MSRA: variants seen among roughly 807,000 people sequenced by gnomAD.
MSRA encodes the protein methionine sulfoxide reductase A.
In MSRA, 54 loss-of-function variants were observed where a neutral mutation model predicts 31.3. That is an observed-to-expected ratio of 1.73 (90% CI 1.39 to 2.17). The LOEUF is 2.17. Among genes scored for constraint, MSRA ranks in the 30% most tolerant of loss-of-function variants. The pLI is 0.00. For missense variants in MSRA, 507 were observed against 300.9 expected (o/e 1.69, Z -5.07); for synonymous variants, 169 against 116.5 (o/e 1.45, Z -2.90).
Position 10,090,160 on chromosome 8 carries a change from G to A in MSRA, c.142+35502G>A, listed in dbSNP as rs1013483385. Reference sequence around the variant, plus strand: ...CAGAGACTTAATGCAGAGGGGGCTGGCTGTTAAAATTTTGAATTCCCTAGG... The same window carrying A: ...CAGAGACTTAATGCAGAGGGGGCTGACTGTTAAAATTTTGAATTCCCTAGG... On this transcript the variant is annotated intron_variant, in intron 1 of 5. Coordinates refer to ENST00000317173, the MANE Select transcript of MSRA (RefSeq NM_012331.5). Among the ~76,000 whole-genome samples, 7 of 152,166 alleles carry A rather than the reference G, an allele frequency of 4.6e-5. No homozygotes were observed. In the East Asian group the frequency reaches 1.3e-3, roughly 29 times the overall value.
At chr8:10,371,512 A>C (rs1288164961) in intron 5 of MSRA, among the ~76,000 whole-genome samples, 1 of 152,146 alleles carries the variant, frequency 6.6e-6, no homozygotes, top group Non-Finnish European at 1.5e-5. Flanking sequence ...TTGCCTGCAT[A>C]AAAGTAAACA....
intron 2 of MSRA, among the ~76,000 whole-genome samples, chr8:10,230,095 C>T (rs943629788): frequency 1.2e-4 from 18 of 152,324 alleles, no homozygotes; most frequent in African/African-American, 3.4e-4. Context: ...CTCATACGTG[C>T]AAGGTGCAAT....
intron 5 of MSRA, among the ~76,000 whole-genome samples, chr8:10,406,656 A>G (rs564261631): frequency 2.1e-4 from 32 of 152,204 alleles, no homozygotes; most frequent in Non-Finnish European, 3.8e-4. Flanking sequence ...AGTTAAACGG[A>G]CAACCTACTT....
chr8:10,168,781 A>G (rs980015610), intron 1 of MSRA, among the ~76,000 whole-genome samples: 1 of 152,174 alleles, frequency 6.6e-6, no homozygotes, highest in Non-Finnish European at 1.5e-5. Flanking sequence ...CCTTCCTTCC[A>G]CACTCCCAAA....
intron 5 of MSRA, among the ~76,000 whole-genome samples, chr8:10,368,506 A>G (rs1805293889): frequency 6.6e-6 from 1 of 152,230 alleles, no homozygotes; most frequent in South Asian, 2.1e-4. Context: ...CATAGGCAGC[A>G]GAGGGGCCGG....
intron 3 of MSRA, among the ~76,000 whole-genome samples, chr8:10,277,616 G>T (rs1314342845): frequency 1.3e-5 from 2 of 151,986 alleles, no homozygotes; most frequent in Non-Finnish European, 2.9e-5. Flanking sequence ...CTGATATTTG[G>T]GTCAAATCAG....
At chr8:10,180,894 C>G (rs1806476682) in intron 1 of MSRA, among the ~76,000 whole-genome samples, 1 of 152,180 alleles carries the variant, frequency 6.6e-6, no homozygotes, top group African/African-American at 2.4e-5. Flanking sequence ...CCAAATGTTG[C>G]CACATTTTTG....
intron 5 of MSRA, among the ~76,000 whole-genome samples, chr8:10,383,378 T>A (rs1437023786): frequency 6.6e-6 from 1 of 152,074 alleles, no homozygotes; most frequent in Non-Finnish European, 1.5e-5. Context: ...TCAAAGCGTG[T>A]GTGTTGTGTG....
chr8:10,411,512 C>A (rs1392373584), intron 5 of MSRA: 1 of 150,982 alleles, frequency 6.6e-6, no homozygotes, highest in Non-Finnish European at 1.5e-5. Flanking sequence ...AAAAAAAAAA[C>A]CCAATCATTG....
At chr8:10,344,564 G>T (rs1301414487) in intron 5 of MSRA, among the ~76,000 whole-genome samples, 1 of 100,788 alleles carries the variant, frequency 9.9e-6, no homozygotes, top group African/African-American at 4.1e-5. Flanking sequence ...GACAGAGGGA[G>T]ACTCCGTCTC....
chr8:10,234,319 G>T (rs747509018), intron 2 of MSRA, among the ~76,000 whole-genome samples: 3 of 152,162 alleles, frequency 2.0e-5, no homozygotes, highest in South Asian at 4.1e-4. Flanking sequence ...TTACACTGCG[G>T]TAATGAGATA....
chr8:10,207,123 C>T (rs1238500512), intron 1 of MSRA, among the ~76,000 whole-genome samples: 1 of 152,162 alleles, frequency 6.6e-6, no homozygotes, highest in Non-Finnish European at 1.5e-5. Context: ...GTCTATTGAT[C>T]ACAGTTTGGG....
At chr8:10,113,292 C>CCTTTTT (rs1800428469) in intron 1 of MSRA, among the ~76,000 whole-genome samples, 1 of 57,606 alleles carries the variant, frequency 1.7e-5, no homozygotes, top group African/African-American at 7.8e-5. Context: ...GACAGGTCTT[C>CCTTTTT]TTTTTTTTTT....
intron 1 of MSRA, among the ~76,000 whole-genome samples, chr8:10,060,691 A>G (rs1239577091): frequency 6.7e-6 from 1 of 150,184 alleles, no homozygotes; most frequent in East Asian, 2.0e-4. Context: ...TTTTTTCTGC[A>G]ACTTGCTTTT....
chr8:10,427,776 G>A (rs1023830890), intron 5 of MSRA, among the ~76,000 whole-genome samples: 2 of 152,192 alleles, frequency 1.3e-5, no homozygotes, highest in Non-Finnish European at 1.5e-5. Flanking sequence ...CTCGGGGACA[G>A]CCAGGGAGCC....
intron 5 of MSRA, among the ~76,000 whole-genome samples, chr8:10,368,979 C>G (rs984812823): frequency 1.3e-5 from 2 of 152,080 alleles, no homozygotes; most frequent in Admixed American, 1.3e-4. Context: ...GCTGTGATAA[C>G]CAGGGACCAA....
chr8:10,251,908 C>CTAG (rs1285441931), intron 3 of MSRA, among the ~76,000 whole-genome samples: 1 of 151,948 alleles, frequency 6.6e-6, no homozygotes, highest in Non-Finnish European at 1.5e-5. Flanking sequence ...CATTTGAGAC[C>CTAG]TAGAAGGGCC....
chr8:10,360,474 T>G (rs921630746), intron 5 of MSRA, among the ~76,000 whole-genome samples: 11 of 152,184 alleles, frequency 7.2e-5, no homozygotes, highest in Non-Finnish European at 1.3e-4. Context: ...ATCTGTGTGA[T>G]TTTTCTGGGA....
chr8:10,129,363 A>G (rs1299197135), intron 1 of MSRA, among the ~76,000 whole-genome samples: 1 of 152,218 alleles, frequency 6.6e-6, no homozygotes, highest in African/African-American at 2.4e-5. Flanking sequence ...GACCTGAAAA[A>G]TGAGAATTAA....
Sources: gnomAD v4.1 joint callset for allele counts (sites outside exome capture counted in the v4.1 genomes callset) on GRCh38, gnomAD v4.1.1 for gene constraint, MANE v1.5 for transcripts, NCBI Gene and HGNC (gene_info 2026-07-23, HGNC 2026-07-21) for gene names.